Variants in SDF2 observed in about 807,000 individuals in gnomAD.
The protein encoded by SDF2 is stromal cell-derived factor 2.
A neutral mutation model predicts 20.5 loss-of-function variants in SDF2; 12 were observed. That is an observed-to-expected ratio of 0.58 (90% confidence interval 0.37 to 0.95). SDF2 has a LOEUF of 0.95. SDF2 is among the 40% of genes least tolerant of loss of function. SDF2 has a pLI of 0.01. For synonymous variants in SDF2, 100 were observed against 101.0 expected, an observed-to-expected ratio of 0.99 and a Z score of 0.06; for missense variants, 238 against 263.1, an observed-to-expected ratio of 0.90 and a Z score of 0.66.
intron 1 of SDF2, among the ~76,000 whole-genome samples, chr17:28,656,951 A>T (rs2071968677): frequency 6.6e-6 from 1 of 152,040 alleles, no homozygotes; most frequent in African/African-American, 2.4e-5. Flanking sequence ...TATTTAAGCA[A>T]GGCACGGTGG....
chr17:28,658,361 T>C (rs12936107), intron 1 of SDF2, among the ~76,000 whole-genome samples: 35 of 151,452 alleles, frequency 2.3e-4, no homozygotes, highest in Non-Finnish European at 4.1e-4. Flanking sequence ...CAGATAAACA[T>C]GTGAACAAAG....
At chr17:28,652,240 G>A (rs1023589606) in intron 2 of SDF2, among the ~76,000 whole-genome samples, 6 of 151,970 alleles carry the variant, frequency 3.9e-5, no homozygotes, top group African/African-American at 7.3e-5. Flanking sequence ...AGATACAGAT[G>A]GCTATGCAAA....
intron 1 of SDF2, among the ~76,000 whole-genome samples, chr17:28,657,231 C>T (rs1356233607): frequency 1.3e-5 from 2 of 151,926 alleles, no homozygotes; most frequent in African/African-American, 2.4e-5. Flanking sequence ...TGTCTCAAAA[C>T]AAAAACAAAA....
intron 2 of SDF2, among the ~76,000 whole-genome samples, chr17:28,653,030 A>G (rs975150242): frequency 6.6e-6 from 1 of 152,236 alleles, no homozygotes; most frequent in African/African-American, 2.4e-5. Flanking sequence ...CAAATCCCCA[A>G]TATGGAAAAA....
Position 28,655,374 on chromosome 17 carries a change from CTT to C in SDF2, c.259_260del (p.Lys87ValfsTer18). On this transcript the variant is annotated frameshift_variant, in exon 2 of 3. Transcript: ENST00000247020. LOFTEE classifies it high-confidence loss of function. Reference sequence around the variant, plus strand: ...GTGTCAGCCGGATGGGCTGGCCACACTTGATGGGGGTTCCCCTCTCACACACT... The same window carrying C: ...GTGTCAGCCGGATGGGCTGGCCACACGATGGGGGTTCCCCTCTCACACACT... Reference protein sequence around the residue: ...ATVCERGTPIKCGQPIRLTHV... With the variant: ...ATVCERGTPIXCGQPIRLTHV... The C allele has an allele frequency of 6.2e-7, 1 of 1,614,260 alleles. No homozygotes were observed. The highest frequency in any genetic ancestry group is 8.5e-7 in the Non-Finnish European group (1 of 1,180,040).
Position 28,661,580 on chromosome 17 carries a change from T to G in SDF2, c.151+146A>C. 8.7e-6 allele frequency: 7 copies of G among 805,124 alleles called. No individual in the cohort carries two copies. In the South Asian group the frequency reaches 1.2e-4, roughly 14 times the overall value. The allele number at this position is 805,124 out of a possible 1,614,324, so 49.9% of individuals were successfully genotyped here. A position where few individuals can be genotyped will look rare whatever the true frequency, so the allele number is the denominator to read the frequency against. On this transcript the variant is annotated intron_variant, in intron 1 of 2. Transcript: ENST00000247020. ...TGCGATTAAGATGCCTTAGAACAAT[T>G]CAGTTCTCCGACTCTCTAGACCTGA...
At chr17:28,656,725 T>C (rs1274959483) in intron 1 of SDF2, among the ~76,000 whole-genome samples, 1 of 152,242 alleles carries the variant, frequency 6.6e-6, no homozygotes, top group African/African-American at 2.4e-5. Context: ...TGTGAGTTTT[T>C]TGAGGCACAG....
At chr17:28,661,699 C>T in intron 1 of SDF2, 27 bp downstream of exon 1, 1 of 1,602,446 alleles carries the variant, frequency 6.2e-7, no homozygotes, top group Non-Finnish European at 8.5e-7. Flanking sequence ...CCTCCCTAGC[C>T]CACCCGAGCC....
rs2071887238 is a variant in SDF2 at position 28,648,848 on chromosome 17, A to G, written c.*141T>C. On this transcript the variant is annotated 3_prime_UTR_variant, in exon 3 of 3. Transcript: ENST00000247020. ...GTGCAGGGCTGAAGCTTCCAAACAC[A>G]GCCACTATTTTCTGTTGTATATCTT... 2 of 827,652 alleles carry G rather than the reference A, an allele frequency of 2.4e-6. No homozygotes were observed. The highest frequency in any genetic ancestry group is 1.7e-5 in the South Asian group (1 of 59,150). The allele number at this position is 827,652 out of a possible 1,614,324, so 51.3% of individuals were successfully genotyped here. A position where few individuals can be genotyped will look rare whatever the true frequency, so the allele number is the denominator to read the frequency against.
At chr17:28,650,813 A>AC (rs1349754870) in intron 2 of SDF2, among the ~76,000 whole-genome samples, 3 of 150,766 alleles carry the variant, frequency 2.0e-5, no homozygotes. Flanking sequence ...CAAAAAAAAA[A>AC]AAAAAAAAAA....
At chr17:28,661,083 T>TAA (rs11385140) in intron 1 of SDF2, 9,305 of 312,792 alleles carry the variant, frequency 0.03, 126 homozygotes, top group African/African-American at 0.067. Flanking sequence ...TTTCAAACGC[T>TAA]AAAAAAAAAA....
At chr17:28,658,058 A>C (rs982894623) in intron 1 of SDF2, among the ~76,000 whole-genome samples, 1 of 152,080 alleles carries the variant, frequency 6.6e-6, no homozygotes, top group Non-Finnish European at 1.5e-5. Flanking sequence ...AGGCAAACCA[A>C]GTCTCCCTTC....
upstream of SDF2, chr17:28,662,180 C>T (rs780584769): frequency 1.1e-5 from 3 of 285,522 alleles, no homozygotes; most frequent in African/African-American, 6.5e-5. Flanking sequence ...CTCCCGGTGA[C>T]AGGGAGCCGG....
chr17:28,655,383 GGTTC>G lies in SDF2; in HGVS notation c.248_251del (p.Gly83AlafsTer11). ...GGATGGGCTGGCCACACTTGATGGG[GGTTC>G]CCCTCTCACACACTGTGGCACTCTT... On this transcript the variant is annotated frameshift_variant, in exon 2 of 3. Transcript: ENST00000247020. LOFTEE classifies it high-confidence loss of function. 6.2e-7 allele frequency: 1 copy of G among 1,614,206 alleles called. No individual in the cohort carries two copies. The highest frequency in any genetic ancestry group is 1.3e-5 in the African/African-American group (1 of 75,048).
chr17:28,660,425 T>G (rs2072015875), intron 1 of SDF2: 1 of 152,248 alleles, frequency 6.6e-6, no homozygotes, highest in African/African-American at 2.4e-5. Context: ...AACCACAGTC[T>G]GTACAAGATG....
rs1470716307 is a variant in SDF2 at position 28,648,593 on chromosome 17, A to T, written c.*396T>A. The T allele has an allele frequency of 4.6e-6, 1 of 216,258 alleles. No homozygotes were observed. Among genetic ancestry groups the T allele is most frequent in the Non-Finnish European group, 9.3e-6 (1 of 107,040 alleles). 13.4% of individuals were successfully genotyped at this position (216,258 alleles called of 1,614,324 possible). A position where few individuals can be genotyped will look rare whatever the true frequency, so the allele number is the denominator to read the frequency against. ...AATAAATAACAACACAGTGACTCAT[A>T]ATAAAATTATTGTTTTTATCATTTT... On this transcript the variant is annotated 3_prime_UTR_variant, in exon 3 of 3. Transcript: ENST00000247020.
At chr17:28,649,715 CA>C (rs1270935819) in intron 2 of SDF2, among the ~76,000 whole-genome samples, 2 of 100,032 alleles carry the variant, frequency 2.0e-5, no homozygotes, top group Non-Finnish European at 4.1e-5. Context: ...GCCTGGGCAA[CA>C]AGAGCAAAAC....
At chr17:28,650,848 C>T (rs2071909240) in intron 2 of SDF2, among the ~76,000 whole-genome samples, 2 of 143,878 alleles carry the variant, frequency 1.4e-5, no homozygotes, top group South Asian at 4.7e-4. Context: ...GGGTATCTTG[C>T]TCTGTTGCCC....
intron 1 of SDF2, among the ~76,000 whole-genome samples, chr17:28,659,690 G>A (rs1198927853): frequency 8.1e-5 from 12 of 149,062 alleles, no homozygotes; most frequent in East Asian, 4.0e-4. Flanking sequence ...GGTGATGGCC[G>A]GGCAGAGGTG....
Sources: allele counts gnomAD v4.1 joint callset (sites outside exome capture counted in the v4.1 genomes callset), GRCh38; gene constraint gnomAD v4.1.1; transcripts MANE v1.5; gene names NCBI Gene and HGNC (gene_info 2026-07-23, HGNC 2026-07-21).